The following TDRD7 variants were observed in gnomAD, a reference collection of about 807,000 sequenced individuals.
TDRD7 encodes the protein tudor domain-containing protein 7.
In TDRD7, 47 loss-of-function variants were observed where a neutral mutation model predicts 109.8. The observed-to-expected ratio is 0.43, with a 90% confidence interval of 0.34 to 0.55. The LOEUF is 0.55. Among genes scored for constraint, TDRD7 ranks in the 20% least tolerant of loss-of-function variants. The pLI, the probability that TDRD7 is intolerant of heterozygous loss-of-function variation, is 0.03. For synonymous variants in TDRD7, 424 were observed against 457.3 expected (o/e 0.93, Z 0.93); for missense variants, 1,164 against 1,319.2 (o/e 0.88, Z 1.82).
chr9:97,445,246 C>T (rs867472735), intron 6 of TDRD7, among the ~76,000 whole-genome samples: 158 of 151,858 alleles, frequency 1.0e-3, no homozygotes, highest in African/African-American at 3.6e-3. Context: ...TGTTCTAGAG[C>T]AGTAGTCTTG....
At chr9:97,467,681 C>T (rs1828842836) in intron 8 of TDRD7, among the ~76,000 whole-genome samples, 1 of 152,198 alleles carries the variant, frequency 6.6e-6, no homozygotes, top group Non-Finnish European at 1.5e-5. Flanking sequence ...TAGAAAATAA[C>T]TCTGAAGCAA....
chr9:97,417,227 G>A (rs1827825663), intron 1 of TDRD7, among the ~76,000 whole-genome samples: 1 of 152,172 alleles, frequency 6.6e-6, no homozygotes, highest in African/African-American at 2.4e-5. Flanking sequence ...ATAAAGAGAA[G>A]AGAGAACTTA....
intron 6 of TDRD7, among the ~76,000 whole-genome samples, chr9:97,449,579 G>C (rs1564202189): frequency 6.6e-6 from 1 of 152,160 alleles, no homozygotes; most frequent in Non-Finnish European, 1.5e-5. Flanking sequence ...TGGAGTCTCT[G>C]TGCCCTCTCT....
chr9:97,457,776 G>A (rs7871839), intron 6 of TDRD7, among the ~76,000 whole-genome samples: 38,494 of 151,994 alleles, frequency 0.25, 4,948 homozygotes, highest in Middle Eastern at 0.29. Context: ...AATGTGGTGC[G>A]TACACACTAT....
intron 6 of TDRD7, among the ~76,000 whole-genome samples, chr9:97,449,997 T>C (rs1828463669): frequency 6.6e-6 from 1 of 152,166 alleles, no homozygotes; most frequent in Non-Finnish European, 1.5e-5. Flanking sequence ...CTCATTCAAA[T>C]TGTGATTCCA....
intron 6 of TDRD7, among the ~76,000 whole-genome samples, chr9:97,446,286 T>C (rs1042586693): frequency 9.9e-5 from 15 of 152,148 alleles, no homozygotes; most frequent in Non-Finnish European, 1.9e-4. Context: ...GAGGGGCTCA[T>C]TGGTGGGCAG....
At chr9:97,445,868 G>A (rs1170047534) in intron 6 of TDRD7, among the ~76,000 whole-genome samples, 1 of 152,178 alleles carries the variant, frequency 6.6e-6, no homozygotes, top group East Asian at 1.9e-4. Context: ...GCTTATGCCT[G>A]TAATCTCAGC....
chr9:97,419,170 G>A lies in TDRD7; in HGVS notation c.-7+6932G>A, dbSNP rs534019331. On this transcript the variant is annotated intron_variant, in intron 1 of 16. Coordinates refer to ENST00000355295, the MANE Select transcript of TDRD7 (RefSeq NM_014290.3). ...ATAGCCAAGGCCCACTTAGGCATAC[G>A]GATATACAAAGATGCAAAGCCCAGT... Among the ~76,000 whole-genome samples, 9 of 152,256 alleles carry A rather than the reference G, an allele frequency of 5.9e-5. No individual in the cohort carries two copies. The South Asian group carries it at 1.2e-3, about 21-fold the overall frequency.
intron 3 of TDRD7, among the ~76,000 whole-genome samples, chr9:97,431,783 G>A (rs1181387544): frequency 1.3e-5 from 2 of 152,182 alleles, no homozygotes; most frequent in South Asian, 2.1e-4. Context: ...TGCCACTGAA[G>A]TGTTCAGTTG....
chr9:97,463,833 G>GA (rs1243083264), intron 7 of TDRD7, among the ~76,000 whole-genome samples: 3 of 151,904 alleles, frequency 2.0e-5, no homozygotes, highest in Non-Finnish European at 2.9e-5. Context: ...ACATAATCCT[G>GA]AAAAAAAATA....
At chr9:97,416,106 T>A (rs1827806351) in intron 1 of TDRD7, among the ~76,000 whole-genome samples, 1 of 152,236 alleles carries the variant, frequency 6.6e-6, no homozygotes, top group South Asian at 2.1e-4. Context: ...TTACTGCATT[T>A]AACTGCTTCT....
chr9:97,472,616 A>G (rs1828941444), intron 10 of TDRD7, 121 bp downstream of exon 10: 2 of 877,584 alleles, frequency 2.3e-6, no homozygotes, highest in Admixed American at 3.9e-5. Flanking sequence ...TTGAGGGGAA[A>G]AAAGGAGGGA....
Position 97,441,689 on chromosome 9 carries a change from T to C in TDRD7, c.669T>C (p.Asn223=). ...DNLNQTVEKP[N]VKPPASYTYK... is the part of the protein sequence containing the mutation. ...TAAATCAGACTGTTGAAAAACCCAA[T>C]GTCAAGCCTCCTGCCTCTTACACTT... The change falls in exon 6 of 17, where the codon AAT becomes AAC. Residue 223 remains asparagine, a synonymous_variant. Transcript: ENST00000355295. 1 of 1,612,468 alleles carries C rather than the reference T, an allele frequency of 6.2e-7. No individual in the cohort carries two copies. The highest frequency in any genetic ancestry group is 8.5e-7 in the Non-Finnish European group (1 of 1,179,698).
At chr9:97,435,757 C>T (rs1828185043) in intron 4 of TDRD7, among the ~76,000 whole-genome samples, 2 of 151,782 alleles carry the variant, frequency 1.3e-5, no homozygotes, top group African/African-American at 4.8e-5. Context: ...TAAATACTAC[C>T]CAGTGGCAGA....
chr9:97,439,961 G>A (rs1330755583), intron 5 of TDRD7, among the ~76,000 whole-genome samples: 3 of 151,980 alleles, frequency 2.0e-5, no homozygotes, highest in South Asian at 2.1e-4. Flanking sequence ...CAGTGTTTTC[G>A]TATCAGTGCT....
intron 1 of TDRD7, among the ~76,000 whole-genome samples, chr9:97,416,358 A>G (rs1028125492): frequency 6.6e-6 from 1 of 152,232 alleles, no homozygotes; most frequent in African/African-American, 2.4e-5. Context: ...ATACACTAGT[A>G]GTTGTGCTTG....
intron 1 of TDRD7, among the ~76,000 whole-genome samples, chr9:97,425,527 C>G (rs144404436): frequency 1.3e-4 from 20 of 152,238 alleles, no homozygotes; most frequent in African/African-American, 4.1e-4. Flanking sequence ...TGCAAGTCCA[C>G]TCAATAATGT....
intron 1 of TDRD7, among the ~76,000 whole-genome samples, chr9:97,420,236 C>A (rs1827876415): frequency 6.6e-6 from 1 of 151,898 alleles, no homozygotes; most frequent in Admixed American, 6.6e-5. Context: ...AGATGGAACA[C>A]AAAGCACTAG....
chr9:97,475,520 C>A, intron 12 of TDRD7, 51 bp downstream of exon 12: 1 of 1,259,232 alleles, frequency 7.9e-7, no homozygotes. Context: ...TGAAATATTT[C>A]AAATATACAC....
Sources: gnomAD v4.1 joint callset for allele counts (sites outside exome capture counted in the v4.1 genomes callset) on GRCh38, gnomAD v4.1.1 for gene constraint, MANE v1.5 for transcripts, NCBI Gene and HGNC (gene_info 2026-07-23, HGNC 2026-07-21) for gene names.